KCNK5: variants seen among roughly 807,000 people sequenced by gnomAD.
The protein encoded by KCNK5 is potassium two pore domain channel subfamily K member 5, also known as potassium channel subfamily K member 5.
In KCNK5, 18 loss-of-function variants were observed where a neutral mutation model predicts 32.9. That is an observed-to-expected ratio of 0.55 (90% CI 0.38 to 0.81). The LOEUF (loss-of-function observed/expected upper bound fraction) is 0.81, where lower values mean the gene tolerates loss of function less well. Among genes scored for constraint, KCNK5 ranks in the 30% least tolerant of loss-of-function variants. The probability of loss-of-function intolerance (pLI) is 0.00; values close to 1 mark genes in which losing one functional copy is unlikely to be tolerated. For missense variants in KCNK5, 507 were observed against 651.0 expected (o/e 0.78, Z 2.41); for synonymous variants, 276 against 275.3 (o/e 1.00, Z -0.03).
In KCNK5 at chr6:39,203,024, C is replaced by T. The variant is rs143337023; in HGVS notation, c.187-7037G>A. ...TCTGCAATCAATATTGTGATTCACA[C>T]GTGTGTCCGTCAGGAACAAGACCCT... On this transcript the variant is annotated intron_variant, in intron 1 of 4. Coordinates refer to ENST00000359534, the MANE Select transcript of KCNK5 (RefSeq NM_003740.4). Among the ~76,000 whole-genome samples, 3 of 152,280 alleles carry T rather than the reference C, an allele frequency of 2.0e-5. No individual in the cohort carries two copies. The East Asian group carries it at 5.8e-4, about 29-fold the overall frequency.
chr6:39,220,517 T>C (rs1164342371), intron 1 of KCNK5, among the ~76,000 whole-genome samples: 1 of 152,078 alleles, frequency 6.6e-6, no homozygotes, highest in Non-Finnish European at 1.5e-5. Flanking sequence ...CCAGAAAATT[T>C]TTAACCAAGG....
intron 1 of KCNK5, among the ~76,000 whole-genome samples, chr6:39,219,740 C>T (rs1215339097): frequency 6.6e-6 from 1 of 152,084 alleles, no homozygotes; most frequent in Non-Finnish European, 1.5e-5. Flanking sequence ...GAGCTGAGCA[C>T]AGTGCTGGAC....
chr6:39,189,852 C>T lies in KCNK5; in HGVS notation c.*1038G>A, dbSNP rs1363838883. On this transcript the variant is annotated 3_prime_UTR_variant, in exon 5 of 5. Coordinates refer to ENST00000359534, the MANE Select transcript of KCNK5 (RefSeq NM_003740.4). The stretch of plus-strand genomic sequence containing the variant: ...TATCTGACCATCACCCATTTGTGGG[C>T]CAAGAGCAATTTGGCCTCACCCTGC... The T allele has an allele frequency of 6.6e-6, 1 of 152,592 alleles. No individual in the cohort carries two copies. Among genetic ancestry groups the T allele is most frequent in the Non-Finnish European group, 1.5e-5 (1 of 68,124 alleles). The allele number at this position is 152,592 out of a possible 1,614,324, so 9.5% of individuals were successfully genotyped here. A position where few individuals can be genotyped will look rare whatever the true frequency, so the allele number is the denominator to read the frequency against.
At chr6:39,197,784 G>A (rs550801967) in intron 1 of KCNK5, among the ~76,000 whole-genome samples, 127 of 152,212 alleles carry the variant, frequency 8.3e-4, no homozygotes, top group Admixed American at 2.0e-3. Flanking sequence ...GAATGGGACC[G>A]GCCTACAAGA....
Position 39,190,795 on chromosome 6 carries a change from C to A in KCNK5, c.*95G>T, listed in dbSNP as rs1770908045. 2.3e-6 allele frequency: 3 copies of A among 1,288,414 alleles called. No homozygotes were observed. Among genetic ancestry groups the A allele is most frequent in the African/African-American group, 1.5e-5 (1 of 66,996 alleles). The allele number at this position is 1,288,414 out of a possible 1,614,324, so 79.8% of individuals were successfully genotyped here. ...CCCCACTCCCAGTTCCGAGGCTGCC[C>A]CCCCACCAGGGGCCAGGCGTCCCGG... On this transcript the variant is annotated 3_prime_UTR_variant, in exon 5 of 5. Transcript: ENST00000359534.
At chr6:39,192,278 C>A (rs918029036) in intron 4 of KCNK5, among the ~76,000 whole-genome samples, 3 of 86,228 alleles carry the variant, frequency 3.5e-5, no homozygotes, top group Non-Finnish European at 6.2e-5. Context: ...ACAGAGACTC[C>A]GTCTCAAAAA....
At chr6:39,192,458 CACTTAAAA>C (rs1179387636) in intron 4 of KCNK5, among the ~76,000 whole-genome samples, 1 of 152,086 alleles carries the variant, frequency 6.6e-6, no homozygotes, top group Admixed American at 6.6e-5. Flanking sequence ...TGATACAGTT[CACTTAAAA>C]ACGGAATGGA....
chr6:39,203,442 C>A (rs544710929), intron 1 of KCNK5, among the ~76,000 whole-genome samples: 186 of 152,336 alleles, frequency 1.2e-3, no homozygotes, highest in African/African-American at 4.1e-3. Flanking sequence ...CTCACAGCCA[C>A]CCTGGCCAGT....
chr6:39,204,772 T>G (rs758765211), intron 1 of KCNK5, among the ~76,000 whole-genome samples: 1 of 152,226 alleles, frequency 6.6e-6, no homozygotes, highest in East Asian at 1.9e-4. Flanking sequence ...AGGCTGTGCA[T>G]GCACACAGGC....
chr6:39,217,118 C>CAAAAAAAAAAA lies in KCNK5; in HGVS notation c.186+11797_186+11807dup, dbSNP rs57204833. 3.6e-3 allele frequency among the ~76,000 whole-genome samples: 264 copies of CAAAAAAAAAAA among 74,298 alleles called. 2 individuals are homozygous for CAAAAAAAAAAA. The highest frequency in any genetic ancestry group is 4.1e-3 in the Non-Finnish European group (153 of 37,306). The allele number at this position is 74,298 out of a possible 152,430, so 48.7% of individuals were successfully genotyped here. On this transcript the variant is annotated intron_variant, in intron 1 of 4. Coordinates refer to ENST00000359534, the MANE Select transcript of KCNK5 (RefSeq NM_003740.4). ...CTGGGCAACAAGAGCAAAACTCCAT[C>CAAAAAAAAAAA]AAAAAAAAAAAAAAAAAAAAAAAAA...
At chr6:39,200,969 G>C (rs549103375) in intron 1 of KCNK5, among the ~76,000 whole-genome samples, 5 of 152,310 alleles carry the variant, frequency 3.3e-5, no homozygotes, top group South Asian at 4.1e-4. Flanking sequence ...TTACGGGGTG[G>C]GGTAAGGGAA....
chr6:39,207,880 C>T (rs1219890406), intron 1 of KCNK5, among the ~76,000 whole-genome samples: 4 of 152,228 alleles, frequency 2.6e-5, no homozygotes, highest in Middle Eastern at 6.8e-3. Context: ...CCGCCAATAC[C>T]GCCAGACTCC....
intron 1 of KCNK5, among the ~76,000 whole-genome samples, chr6:39,206,781 T>G (rs368426367): frequency 3.9e-5 from 6 of 152,186 alleles, no homozygotes; most frequent in Admixed American, 1.3e-4. Context: ...ATCACCTCTC[T>G]GAGCTTAACA....
chr6:39,227,020 G>A (rs1366109811), intron 1 of KCNK5, among the ~76,000 whole-genome samples: 1 of 152,008 alleles, frequency 6.6e-6, no homozygotes, highest in African/African-American at 2.4e-5. Context: ...TAAATAAGAG[G>A]CATTTTGTTT....
intron 1 of KCNK5, among the ~76,000 whole-genome samples, chr6:39,202,775 A>G (rs1464682828): frequency 1.3e-5 from 2 of 152,240 alleles, no homozygotes; most frequent in East Asian, 3.9e-4. Context: ...GCTCAGGTTT[A>G]GCTCTATCTA....
In KCNK5 at chr6:39,194,618, G is replaced by A. The variant is rs1770997140; in HGVS notation, c.441C>T (p.Phe147=). The A allele has an allele frequency of 4.3e-6, 7 of 1,614,142 alleles. No individual in the cohort carries two copies. Among genetic ancestry groups the A allele is most frequent in the East Asian group, 2.2e-5 (1 of 44,876 alleles). ...CCAGACTCACACCTCTCTTGGTAAGGAACTGCCCTAGTCTCTTGGCACGTC... is the reference window on the plus strand; with the variant it reads ...CCAGACTCACACCTCTCTTGGTAAGAAACTGCCCTAGTCTCTTGGCACGTC... The part of the protein sequence containing the change: ...FGGRAKRLGQ[F]LTKRGVSLRK... Residue 147 remains phenylalanine (F), a synonymous_variant, in exon 3 of 5, where the codon TTC becomes TTT. Coordinates refer to ENST00000359534, the MANE Select transcript of KCNK5 (RefSeq NM_003740.4). The surrounding 1 kb of genome is among the most constrained non-coding windows in gnomAD (Gnocchi z 4.7).
At chr6:39,199,075 C>T (rs758091606) in intron 1 of KCNK5, among the ~76,000 whole-genome samples, 1 of 152,124 alleles carries the variant, frequency 6.6e-6, no homozygotes, top group African/African-American at 2.4e-5. Flanking sequence ...GGAATCCCTG[C>T]CCTCCTCTTA....
chr6:39,206,255 G>A (rs1771223896), intron 1 of KCNK5, among the ~76,000 whole-genome samples: 1 of 152,224 alleles, frequency 6.6e-6, no homozygotes, highest in African/African-American at 2.4e-5. Context: ...GAATGTGCAG[G>A]TAGACACTGG....
Position 39,194,264 on chromosome 6 carries a change from A to G in KCNK5, c.539T>C (p.Phe180Ser). 1 of 1,614,074 alleles carries G rather than the reference A, an allele frequency of 6.2e-7. No homozygotes were observed. Among genetic ancestry groups the G allele is most frequent in the Non-Finnish European group, 8.5e-7 (1 of 1,179,976 alleles). ...CCACCCCTCAGTCACCATGAATACG[A>G]AGGGTGGGATCACCAGGTGGACTAG... ...GVLVHLVIPPFVFMVTEGWNY... is the reference protein window; with the variant it reads ...GVLVHLVIPPSVFMVTEGWNY... The change falls in exon 4 of 5, where the codon TTC (phenylalanine) becomes TCC (serine). Residue 180 changes from phenylalanine (F) to serine (S), a missense_variant. By Grantham distance (155) the Phe-to-Ser change is radical (BLOSUM62 -2). Transcript: ENST00000359534. The surrounding 1 kb of genome is among the most constrained non-coding windows in gnomAD (Gnocchi z 4.7).
Sources: allele counts gnomAD v4.1 joint callset (sites outside exome capture counted in the v4.1 genomes callset), GRCh38; gene constraint gnomAD v4.1.1; non-coding constraint Gnocchi (gnomAD v3.1); transcripts MANE v1.5; gene names NCBI Gene and HGNC (gene_info 2026-07-23, HGNC 2026-07-21).